Variants in CEPT1 observed in about 807,000 individuals in gnomAD.
CEPT1 encodes choline/ethanolaminephosphotransferase 1.
A neutral mutation model predicts 42.6 loss-of-function variants in CEPT1; 7 were observed. That is an observed-to-expected ratio of 0.16 (90% confidence interval 0.09 to 0.31). The LOEUF is 0.31. CEPT1 is among the 10% of genes least tolerant of loss of function. The pLI is 1.00. For missense variants in CEPT1, 306 were observed against 502.1 expected (o/e 0.61, Z 3.73); for synonymous variants, 171 against 171.9 (o/e 0.99, Z 0.04).
intron 4 of CEPT1, chr1:111,167,569 A>T (rs370058769): frequency 1.0e-6 from 1 of 959,288 alleles, no homozygotes; most frequent in Non-Finnish European, 1.2e-6. Context: ...TTAGGTAAGG[A>T]AGTTGAGATG....
intron 2 of CEPT1, among the ~76,000 whole-genome samples, chr1:111,148,712 T>C (rs1557922535): frequency 6.6e-6 from 1 of 152,256 alleles, no homozygotes; most frequent in Non-Finnish European, 1.5e-5. Flanking sequence ...TATTACCCTC[T>C]GTACTCATTA....
Position 111,182,257 on chromosome 1 carries a change from G to C in CEPT1, c.785G>C (p.Cys262Ser). 1 of 1,613,154 alleles carries C rather than the reference G, an allele frequency of 6.2e-7. No homozygotes were observed. Among genetic ancestry groups the C allele is most frequent in the Non-Finnish European group, 8.5e-7 (1 of 1,179,462 alleles). ...LCTVAGTIFS[C>S]TNYFRVIFTG... is the part of the protein sequence containing the mutation. ...ACTGTAGCAGGGACCATATTTTCCT[G>C]TACAAATTACTTCCGTGTAATCTTC... Residue 262 changes from cysteine to serine, a missense_variant, in exon 6 of 9, where the codon TGT becomes TCT. Physicochemically the swap from Cys to Ser is moderately radical, Grantham distance 112 (BLOSUM62 -1). Transcript: ENST00000357172.
At chr1:111,158,465 T>G (rs970115489) in intron 2 of CEPT1, among the ~76,000 whole-genome samples, 1 of 152,214 alleles carries the variant, frequency 6.6e-6, no homozygotes, top group East Asian at 1.9e-4. Flanking sequence ...AATAGTATTC[T>G]GAACACTCTA....
chr1:111,154,132 C>A (rs1655429904), intron 2 of CEPT1, among the ~76,000 whole-genome samples: 1 of 151,632 alleles, frequency 6.6e-6, no homozygotes, highest in South Asian at 2.1e-4. Context: ...TTTATTAGTG[C>A]TTTGTAGTTT....
At position 111,148,056 on chromosome 1, in the gene CEPT1, A is replaced by C. The variant is rs1214917854; in HGVS notation, c.339+3A>C. 1.2e-6 allele frequency: 2 copies of C among 1,609,550 alleles called. No homozygotes were observed. Among genetic ancestry groups the C allele is most frequent in the East Asian group, 4.5e-5 (2 of 44,868 alleles). ...ACTGCCCTACAGCTACAGAGCAGGT[A>C]AGAGTTTCTTAACAGATCTCAACAT... On this transcript the variant is annotated splice_donor_region_variant and intron_variant, in intron 2 of 8. Coordinates refer to ENST00000357172, the MANE Select transcript of CEPT1 (RefSeq NM_006090.5).
chr1:111,150,661 T>TA (rs1655222331), intron 2 of CEPT1, among the ~76,000 whole-genome samples: 1 of 152,196 alleles, frequency 6.6e-6, no homozygotes, highest in African/African-American at 2.4e-5. Context: ...AAAAATGTAT[T>TA]AGAGTTTCAG....
In CEPT1 at chr1:111,146,550, A is replaced by G. The variant is rs538127793; in HGVS notation, c.-73-1092A>G. Among the ~76,000 whole-genome samples, 9 of 152,206 alleles carry G rather than the reference A, an allele frequency of 5.9e-5. No homozygotes were observed. The South Asian group carries it at 1.9e-3, about 32-fold the overall frequency. On this transcript the variant is annotated intron_variant, in intron 1 of 8. Coordinates refer to ENST00000357172, the MANE Select transcript of CEPT1 (RefSeq NM_006090.5). ...TTACTTATAGATTTGACTGTCTTTC[A>G]TATTTTCATTTTTACCATCCTACTA...
rs1266942565 is a variant in CEPT1, at chr1:111,167,697, T to C, written c.629+6401T>C. Reference sequence around the variant, plus strand: ...CAGCAGTCTTGGTGTTGTATAATATTTATGCTGGAAGCTATTCTCATTTCT... The same window carrying C: ...CAGCAGTCTTGGTGTTGTATAATATCTATGCTGGAAGCTATTCTCATTTCT... On this transcript the variant is annotated intron_variant, in intron 4 of 8. Transcript: ENST00000357172. The C allele has an allele frequency of 3.0e-6, 3 of 984,106 alleles. No homozygotes were observed. In the African/African-American group the frequency reaches 5.2e-5, roughly 17 times the overall value. The allele number at this position is 984,106 out of a possible 1,614,324, so 61.0% of individuals were successfully genotyped here.
chr1:111,166,137 C>T (rs1656134134), intron 4 of CEPT1, among the ~76,000 whole-genome samples: 1 of 152,080 alleles, frequency 6.6e-6, no homozygotes, highest in African/African-American at 2.4e-5. Flanking sequence ...GGCCTCAGCT[C>T]CGTTCGTTTA....
chr1:111,177,339 C>T (rs1222362171), intron 5 of CEPT1, among the ~76,000 whole-genome samples: 2 of 152,104 alleles, frequency 1.3e-5, no homozygotes, highest in Admixed American at 1.3e-4. Flanking sequence ...CTTTTGTGCA[C>T]CTACGTTTTG....
At chr1:111,180,322 G>A (rs1198034311) in intron 5 of CEPT1, 1 of 152,128 alleles carries the variant, frequency 6.6e-6, no homozygotes, top group African/African-American at 2.4e-5. Context: ...AAGAGAGGTT[G>A]GGAACCAGGA....
At chr1:111,159,117 T>G (rs1047391869) in intron 2 of CEPT1, among the ~76,000 whole-genome samples, 2 of 150,974 alleles carry the variant, frequency 1.3e-5, no homozygotes, top group Non-Finnish European at 3.0e-5. Flanking sequence ...GTTTCACCGT[T>G]TTTTAGCCGG....
intron 4 of CEPT1, among the ~76,000 whole-genome samples, chr1:111,173,599 T>C (rs1193658692): frequency 1.3e-5 from 2 of 152,202 alleles, no homozygotes; most frequent in African/African-American, 4.8e-5. Context: ...TTATTCACTT[T>C]GTTGAAAAAC....
At chr1:111,180,118 C>T (rs1656898997) in intron 5 of CEPT1, 1 of 152,180 alleles carries the variant, frequency 6.6e-6, no homozygotes, top group Non-Finnish European at 1.5e-5. Flanking sequence ...AGTTATGACT[C>T]TCATTCAGTT....
In CEPT1 at chr1:111,182,776, ACTCTT is replaced by A. The variant is rs771240192; in HGVS notation, c.847-16_847-12del. The A allele has an allele frequency of 3.1e-6, 5 of 1,596,456 alleles. No homozygotes were observed. The highest frequency in any genetic ancestry group is 4.3e-6 in the Non-Finnish European group (5 of 1,169,046). ...ATCTGATGAGTACTGAATACTATTAACTCTTCTCTTCACTCTGTACAGGGAACAAG... is the reference window on the plus strand; with the variant it reads ...ATCTGATGAGTACTGAATACTATTAACTCTTCACTCTGTACAGGGAACAAG... On this transcript the variant is annotated intron_variant, in intron 6 of 8. Transcript: ENST00000357172.
intron 2 of CEPT1, among the ~76,000 whole-genome samples, chr1:111,153,547 C>T (rs370751025): frequency 9.2e-5 from 14 of 152,126 alleles, no homozygotes; most frequent in Non-Finnish European, 2.1e-4. Context: ...TTTGCGTAGA[C>T]CAATGTACTG....
chr1:111,161,128 GT>G (rs1171148507), intron 3 of CEPT1, 26 bp from the exon 4 acceptor site: 1 of 1,613,372 alleles, frequency 6.2e-7, no homozygotes, highest in Admixed American at 1.7e-5. Flanking sequence ...ATATTATTTG[GT>G]TTTCATCGTG....
At chr1:111,146,428 G>A (rs1426158575) in intron 1 of CEPT1, among the ~76,000 whole-genome samples, 1 of 152,070 alleles carries the variant, frequency 6.6e-6, no homozygotes, top group East Asian at 1.9e-4. Flanking sequence ...AACAGTACCA[G>A]TAATCTCTAG....
chr1:111,161,020 C>T (rs1172478991), intron 3 of CEPT1, 135 bp from the exon 4 acceptor site: 2 of 821,788 alleles, frequency 2.4e-6, no homozygotes, highest in South Asian at 3.0e-5. Context: ...TTATATCCTA[C>T]TTTTCTGTTA....
Sources: allele counts gnomAD v4.1 joint callset (sites outside exome capture counted in the v4.1 genomes callset), GRCh38; gene constraint gnomAD v4.1.1; transcripts MANE v1.5; gene names NCBI Gene and HGNC (gene_info 2026-07-23, HGNC 2026-07-21).